The following SHISAL1 variants were observed in gnomAD, a reference collection of about 807,000 sequenced individuals.
SHISAL1 encodes the protein protein shisa-like-1.
A neutral mutation model predicts 22.6 loss-of-function variants in SHISAL1; 9 were observed. That is an observed-to-expected ratio of 0.40 (90% CI 0.24 to 0.70). The LOEUF (loss-of-function observed/expected upper bound fraction) is 0.70. Among genes scored for constraint, SHISAL1 ranks in the 30% least tolerant of loss-of-function variants. SHISAL1 has a pLI of 0.39. For synonymous variants in SHISAL1, 119 were observed against 115.4 expected, an observed-to-expected ratio of 1.03 and a Z score of -0.20; for missense variants, 246 against 270.6, an observed-to-expected ratio of 0.91 and a Z score of 0.64.
At chr22:44,317,812 G>C (rs953224764), upstream of SHISAL1, among the ~76,000 whole-genome samples, 4 of 152,238 alleles carry the variant, frequency 2.6e-5, no homozygotes, top group African/African-American at 9.6e-5. Flanking sequence ...CAAGCACCAG[G>C]CTCCACTTTC....
At chr22:44,331,276 C>G in the SHISAL1 span, among the ~76,000 whole-genome samples, 6 of 151,660 alleles carry the variant, frequency 4.0e-5, no homozygotes, top group African/African-American at 1.5e-4. The surrounding 1 kb of genome is among the most constrained non-coding windows in gnomAD (Gnocchi z 5.2). Flanking sequence ...TAAAGAGCCC[C>G]GGACCCCCGT....
chr22:44,314,590 G>C (rs935940458), upstream of SHISAL1, among the ~76,000 whole-genome samples: 10 of 152,164 alleles, frequency 6.6e-5, no homozygotes, highest in African/African-American at 2.4e-4. Flanking sequence ...CTGGCAGACC[G>C]GGGTGAGGGC....
intron 4 of SHISAL1, among the ~76,000 whole-genome samples, chr22:44,283,383 C>G (rs2055289865): frequency 6.6e-6 from 1 of 152,250 alleles, no homozygotes; most frequent in African/African-American, 2.4e-5. Flanking sequence ...TTGGCAAGCT[C>G]TCTGCATCCT....
At chr22:44,294,180 T>C (rs541219016) in intron 3 of SHISAL1, among the ~76,000 whole-genome samples, 151 of 152,344 alleles carry the variant, frequency 9.9e-4, no homozygotes, top group Non-Finnish European at 1.7e-3. Context: ...CCAGATCTGA[T>C]TGCAGCCCTG....
At chr22:44,291,659 T>C (rs2055353283) in intron 3 of SHISAL1, among the ~76,000 whole-genome samples, 1 of 152,072 alleles carries the variant, frequency 6.6e-6, no homozygotes, top group South Asian at 2.1e-4. Flanking sequence ...TGTTCTGTCC[T>C]CCTAGAGTCC....
chr22:44,286,181 C>G (rs1367580233), intron 3 of SHISAL1, among the ~76,000 whole-genome samples: 3 of 152,168 alleles, frequency 2.0e-5, no homozygotes, highest in Non-Finnish European at 2.9e-5. Flanking sequence ...CCGGGATGCT[C>G]TCACTGCCTC....
At chr22:44,302,577 T>C (rs1043139498) in intron 1 of SHISAL1, among the ~76,000 whole-genome samples, 9 of 152,242 alleles carry the variant, frequency 5.9e-5, no homozygotes, top group Admixed American at 4.6e-4. Flanking sequence ...AGAGGCCACG[T>C]GGCTGTCTGG....
At chr22:44,262,315 G>A (rs1258162446) in intron 4 of SHISAL1, among the ~76,000 whole-genome samples, 1 of 151,940 alleles carries the variant, frequency 6.6e-6, no homozygotes, top group African/African-American at 2.4e-5. Flanking sequence ...GGGTGAGTCT[G>A]CAGAGGCGGC....
At chr22:44,299,858 A>G (rs1366025608) in intron 2 of SHISAL1, among the ~76,000 whole-genome samples, 1 of 152,100 alleles carries the variant, frequency 6.6e-6, no homozygotes, top group Non-Finnish European at 1.5e-5. Context: ...AGACAGAGAG[A>G]CAGAGACAGA....
intron 4 of SHISAL1, among the ~76,000 whole-genome samples, chr22:44,283,506 T>A (rs2055290565): frequency 6.6e-6 from 1 of 152,100 alleles, no homozygotes; most frequent in Non-Finnish European, 1.5e-5. Flanking sequence ...GGCAAAAACG[T>A]TCTGGGCAGG....
chr22:44,278,832 G>A (rs2055257701), intron 4 of SHISAL1, among the ~76,000 whole-genome samples: 1 of 152,136 alleles, frequency 6.6e-6, no homozygotes, highest in South Asian at 2.1e-4. Flanking sequence ...TTCGGCTTGA[G>A]GAGGGTTCCT....
intron 2 of SHISAL1, 107 bp downstream of exon 2, chr22:44,300,772 G>A (rs1727046044): frequency 3.3e-6 from 3 of 919,308 alleles, no homozygotes; most frequent in Admixed American, 3.8e-5. Flanking sequence ...AGGACAAAAG[G>A]CAAGCCTCTG....
chr22:44,326,506 G>A, the SHISAL1 span, among the ~76,000 whole-genome samples: 1 of 152,136 alleles, frequency 6.6e-6, no homozygotes, highest in South Asian at 2.1e-4. Flanking sequence ...TTCCAGGGAA[G>A]TGTGACCAAA....
chr22:44,280,629 A>C (rs2055269903), intron 4 of SHISAL1, among the ~76,000 whole-genome samples: 1 of 152,022 alleles, frequency 6.6e-6, no homozygotes, highest in Admixed American at 6.5e-5. Flanking sequence ...GCTAGGGAGC[A>C]GGCTAGGAGG....
chr22:44,275,611 A>G (rs76490081), intron 4 of SHISAL1, among the ~76,000 whole-genome samples: 4,183 of 152,268 alleles, frequency 0.027, 197 homozygotes, highest in African/African-American at 0.097. Flanking sequence ...CTCTTACAGG[A>G]AGCGAAGTAA....
At chr22:44,252,269 A>T (rs2055053116) in intron 4 of SHISAL1, among the ~76,000 whole-genome samples, 1 of 147,704 alleles carries the variant, frequency 6.8e-6, no homozygotes. Flanking sequence ...AACAAAAAAT[A>T]TAGTCAACTA....
At chr22:44,256,541 A>AT (rs1017337837) in intron 4 of SHISAL1, among the ~76,000 whole-genome samples, 3 of 152,214 alleles carry the variant, frequency 2.0e-5, no homozygotes, top group African/African-American at 7.2e-5. Context: ...CCAAGGCTGA[A>AT]TCCCTGATCT....
chr22:44,308,066 G>A (rs1345869648), intron 1 of SHISAL1, among the ~76,000 whole-genome samples: 3 of 152,194 alleles, frequency 2.0e-5, no homozygotes, highest in South Asian at 2.1e-4. Context: ...GGGCTTGGGG[G>A]TCGAGCCCTC....
intron 4 of SHISAL1, among the ~76,000 whole-genome samples, chr22:44,269,610 C>G (rs1046827707): frequency 6.6e-5 from 10 of 150,964 alleles, no homozygotes; most frequent in Non-Finnish European, 2.9e-5. Context: ...ACACGCCACA[C>G]AGACCCACAC....
Sources: allele counts gnomAD v4.1 joint callset (sites outside exome capture counted in the v4.1 genomes callset), GRCh38; gene constraint gnomAD v4.1.1; non-coding constraint Gnocchi (gnomAD v3.1); transcripts MANE v1.5; gene names NCBI Gene and HGNC (gene_info 2026-07-23, HGNC 2026-07-21).